Variants in SIK3 observed in about 807,000 individuals in gnomAD.
SIK3 encodes serine/threonine-protein kinase SIK3.
SIK3 carries 28 observed loss-of-function variants against 144.2 expected under a neutral mutation model. The ratio of observed to expected loss-of-function variants is 0.19; its 90% CI spans 0.14 to 0.27. The LOEUF (loss-of-function observed/expected upper bound fraction) is 0.27, where lower values mean the gene tolerates loss of function less well. Ranked by LOEUF, SIK3 falls within the 10% of genes least tolerant of loss-of-function variation. SIK3 has a pLI of 1.00. For synonymous variants in SIK3, 686 were observed against 676.3 expected, an observed-to-expected ratio of 1.01 and a Z score of -0.22; for missense variants, 1,319 against 1,776.0, an observed-to-expected ratio of 0.74 and a Z score of 4.62.
chr11:116,892,073 T>G (rs1057430578), intron 6 of SIK3, among the ~76,000 whole-genome samples: 3 of 152,144 alleles, frequency 2.0e-5, no homozygotes, highest in Non-Finnish European at 1.5e-5. Flanking sequence ...CTTCAATACA[T>G]GAAAGTGAAG....
rs184828689 is a variant in SIK3 at position 116,943,521 on chromosome 11, T to C, written c.454+10523A>G. Among the ~76,000 whole-genome samples, 274 of 152,308 alleles carry C rather than the reference T, an allele frequency of 1.8e-3. 1 individual carries two copies. The highest frequency in any genetic ancestry group is 3.5e-3 in the African/African-American group (146 of 41,566). On this transcript the variant is annotated intron_variant, in intron 3 of 24. Transcript: ENST00000445177. Reference sequence around the variant, plus strand: ...TCTCCACTAACAATACTACGCCATATGTTTGGGCAGCTGGTATACTCCCTT... The same window carrying C: ...TCTCCACTAACAATACTACGCCATACGTTTGGGCAGCTGGTATACTCCCTT...
intron 1 of SIK3, among the ~76,000 whole-genome samples, chr11:117,011,224 T>G (rs529978399): frequency 6.6e-6 from 1 of 152,220 alleles, no homozygotes. Flanking sequence ...CCTTTTTTTT[T>G]CCCCCTGTAA....
At chr11:117,021,959 A>AAAAAAAAAAC (rs1565565812) in intron 1 of SIK3, among the ~76,000 whole-genome samples, 1 of 141,468 alleles carries the variant, frequency 7.1e-6, no homozygotes, top group African/African-American at 2.7e-5. Context: ...AAAAAAAAAA[A>AAAAAAAAAAC]AACCTAAAAA....
rs374740569 is a variant in SIK3 at position 117,023,619 on chromosome 11, A to ATATATATAT, written c.274-66556_274-66555insATATATATA. Among the ~76,000 whole-genome samples the ATATATATAT allele has an allele frequency of 6.3e-3, 624 of 99,736 alleles. 13 individuals carry two copies. The highest frequency in any genetic ancestry group is 0.03 in the African/African-American group (589 of 19,810). The allele number at this position is 99,736 out of a possible 152,430, so 65.4% of individuals were successfully genotyped here. On this transcript the variant is annotated intron_variant, in intron 1 of 24. Coordinates refer to ENST00000445177, the MANE Select transcript of SIK3 (RefSeq NM_001366686.3). ...AAACAAACAAACAAACAAAAAAAAA[A>ATATATATAT]AAATATATATATATATATATATATA...
intron 1 of SIK3, among the ~76,000 whole-genome samples, chr11:116,958,823 A>G (rs574361598): frequency 4.6e-5 from 7 of 152,218 alleles, no homozygotes; most frequent in African/African-American, 7.2e-5. Context: ...ACCAGATCAC[A>G]TACAAGACCT....
At chr11:116,897,081 T>G (rs952408664) in intron 5 of SIK3, 112 bp downstream of exon 5, 1 of 1,117,040 alleles carries the variant, frequency 9.0e-7, no homozygotes, top group Non-Finnish European at 1.2e-6. Context: ...AAAGAACAGG[T>G]GACCAGGATC....
intron 6 of SIK3, among the ~76,000 whole-genome samples, chr11:116,879,839 T>C (rs780000827): frequency 3.5e-4 from 54 of 152,336 alleles, no homozygotes; most frequent in Admixed American, 9.2e-4. Context: ...ATTTCCAGAG[T>C]AGTAAGGCTA....
chr11:116,900,820 C>T (rs942664983), intron 4 of SIK3, among the ~76,000 whole-genome samples: 1 of 152,094 alleles, frequency 6.6e-6, no homozygotes, highest in Non-Finnish European at 1.5e-5. Flanking sequence ...TACGCCTCTA[C>T]ATCCCATTAC....
chr11:116,848,041 A>G (rs1942127338), intron 22 of SIK3, among the ~76,000 whole-genome samples: 1 of 152,174 alleles, frequency 6.6e-6, no homozygotes, highest in South Asian at 2.1e-4. Context: ...TGGGCTGGGC[A>G]CGGTGGCTCA....
At chr11:117,008,916 A>T (rs1951150594) in intron 1 of SIK3, among the ~76,000 whole-genome samples, 1 of 152,176 alleles carries the variant, frequency 6.6e-6, no homozygotes, top group Non-Finnish European at 1.5e-5. Flanking sequence ...ATAGGAAAAC[A>T]TAGATAACAG....
intron 1 of SIK3, among the ~76,000 whole-genome samples, chr11:117,072,317 G>A (rs192612939): frequency 1.2e-4 from 19 of 152,186 alleles, no homozygotes; most frequent in Admixed American, 6.5e-4. Flanking sequence ...GAACCAGGGA[G>A]GCAGAAATTG....
chr11:117,065,742 G>A (rs1048189167), intron 1 of SIK3, among the ~76,000 whole-genome samples: 60 of 150,714 alleles, frequency 4.0e-4, no homozygotes, highest in African/African-American at 1.4e-3. Context: ...CAATTCATCT[G>A]CCTCAGCCAC....
At chr11:116,964,600 T>A (rs1459401916) in intron 1 of SIK3, among the ~76,000 whole-genome samples, 1 of 152,012 alleles carries the variant, frequency 6.6e-6, no homozygotes, top group Non-Finnish European at 1.5e-5. Flanking sequence ...TGTATAGCAC[T>A]CCAGGCACGG....
At chr11:116,967,605 T>C (rs1034986541) in intron 1 of SIK3, among the ~76,000 whole-genome samples, 3 of 152,322 alleles carry the variant, frequency 2.0e-5, no homozygotes, top group South Asian at 4.1e-4. Flanking sequence ...TCCCAATTAT[T>C]TGACAATGAA....
chr11:116,972,074 G>A (rs1382943316), intron 1 of SIK3, among the ~76,000 whole-genome samples: 4 of 145,174 alleles, frequency 2.8e-5, no homozygotes, highest in Non-Finnish European at 4.5e-5. Context: ...GCAACAGAGC[G>A]AGACTCGGTC....
At chr11:116,980,615 G>C (rs1950107004) in intron 1 of SIK3, among the ~76,000 whole-genome samples, 1 of 152,156 alleles carries the variant, frequency 6.6e-6, no homozygotes, top group African/African-American at 2.4e-5. Flanking sequence ...CACTTCGGGA[G>C]GCCGAAGTGG....
intron 1 of SIK3, among the ~76,000 whole-genome samples, chr11:117,084,974 G>A (rs1256696412): frequency 2.0e-5 from 3 of 151,662 alleles, no homozygotes. Flanking sequence ...TGCATCAACA[G>A]GTTAACAAAA....
chr11:116,922,390 C>A (rs939433360), intron 4 of SIK3, among the ~76,000 whole-genome samples: 1 of 152,070 alleles, frequency 6.6e-6, no homozygotes, highest in Non-Finnish European at 1.5e-5. Context: ...ACTTGGGAGG[C>A]TGAGGCAGGA....
chr11:117,083,658 G>C (rs1018443319), intron 1 of SIK3, among the ~76,000 whole-genome samples: 7 of 152,222 alleles, frequency 4.6e-5, no homozygotes, highest in Admixed American at 1.3e-4. Context: ...AGAAGGAAAA[G>C]ACAACAGGAG....
Sources: gnomAD v4.1 joint callset for allele counts (sites outside exome capture counted in the v4.1 genomes callset) on GRCh38, gnomAD v4.1.1 for gene constraint, MANE v1.5 for transcripts, NCBI Gene and HGNC (gene_info 2026-07-23, HGNC 2026-07-21) for gene names.